SHISA9: variants seen among roughly 807,000 people sequenced by gnomAD.
The protein encoded by SHISA9 is protein shisa-9.
A neutral mutation model predicts 38.0 loss-of-function variants in SHISA9; 13 were observed. The ratio of observed to expected loss-of-function variants is 0.34; its 90% CI spans 0.22 to 0.54. The LOEUF (loss-of-function observed/expected upper bound fraction) is 0.54, where lower values mean the gene tolerates loss of function less well. Among genes scored for constraint, SHISA9 ranks in the 20% least tolerant of loss-of-function variants. SHISA9 has a pLI of 0.91. For missense variants in SHISA9, 538 were observed against 575.8 expected, an observed-to-expected ratio of 0.93 and a Z score of 0.67; for synonymous variants, 275 against 242.0, an observed-to-expected ratio of 1.14 and a Z score of -1.27.
intron 3 of SHISA9, among the ~76,000 whole-genome samples, chr16:13,211,103 C>T (rs1340666469): frequency 1.9e-4 from 29 of 152,090 alleles, no homozygotes; most frequent in Non-Finnish European, 2.9e-5. Flanking sequence ...TCGAGACCAG[C>T]CTGGCCAACG....
intron 2 of SHISA9, among the ~76,000 whole-genome samples, chr16:12,958,028 G>C (rs1432827108): frequency 1.3e-5 from 2 of 152,194 alleles, no homozygotes; most frequent in African/African-American, 4.8e-5. Context: ...TGAATTTGGT[G>C]GTGCACATTC....
the SHISA9 span, among the ~76,000 whole-genome samples, chr16:13,374,429 C>G: frequency 6.6e-6 from 1 of 152,210 alleles, no homozygotes; most frequent in Non-Finnish European, 1.5e-5. Context: ...GTTTTTCTGT[C>G]CTTGCAATAG....
chr16:13,414,083 G>A, the SHISA9 span, among the ~76,000 whole-genome samples: 269 of 152,296 alleles, frequency 1.8e-3, no homozygotes, highest in African/African-American at 6.2e-3. Context: ...TTTTCCCCAT[G>A]AGTTGAATTT....
chr16:13,444,885 T>C, the SHISA9 span, among the ~76,000 whole-genome samples: 1 of 150,096 alleles, frequency 6.7e-6, no homozygotes, highest in Non-Finnish European at 1.5e-5. Context: ...TGGTGCAACC[T>C]CAGCTCACTG....
chr16:13,449,647 C>T, the SHISA9 span, among the ~76,000 whole-genome samples: 1 of 152,130 alleles, frequency 6.6e-6, no homozygotes. Flanking sequence ...CCTTCCATTC[C>T]TTTCATTATG....
chr16:13,475,095 A>T, the SHISA9 span, among the ~76,000 whole-genome samples: 2 of 152,150 alleles, frequency 1.3e-5, no homozygotes, highest in East Asian at 1.9e-4. Flanking sequence ...AAGAAAATGA[A>T]TTAGGAAGCT....
At chr16:13,208,732 C>G (rs1377341144) in intron 3 of SHISA9, among the ~76,000 whole-genome samples, 1 of 152,120 alleles carries the variant, frequency 6.6e-6, no homozygotes, top group Non-Finnish European at 1.5e-5. Flanking sequence ...TTGAATTATT[C>G]CTTCAGTTGT....
chr16:13,433,689 C>T, the SHISA9 span, among the ~76,000 whole-genome samples: 1 of 152,098 alleles, frequency 6.6e-6, no homozygotes, highest in African/African-American at 2.4e-5. Flanking sequence ...AAAAAGGAGG[C>T]TTTGGGTAAA....
At chr16:13,319,188 T>A in the SHISA9 span, among the ~76,000 whole-genome samples, 1 of 152,254 alleles carries the variant, frequency 6.6e-6, no homozygotes, top group East Asian at 1.9e-4. Flanking sequence ...TTTGTATTTT[T>A]AGTAGAGATG....
At chr16:13,259,345 G>A in the SHISA9 span, among the ~76,000 whole-genome samples, 1 of 152,194 alleles carries the variant, frequency 6.6e-6, no homozygotes, top group Non-Finnish European at 1.5e-5. Flanking sequence ...CCTCCTGGCT[G>A]CTTTCACAGG....
the SHISA9 span, among the ~76,000 whole-genome samples, chr16:13,440,393 T>A: frequency 2.0e-5 from 3 of 152,228 alleles, no homozygotes; most frequent in Admixed American, 6.5e-5. Context: ...GGTTTGCTGC[T>A]GTGTTGGGAA....
intron 1 of SHISA9, among the ~76,000 whole-genome samples, chr16:12,913,529 G>A (rs112566603): frequency 1.4e-4 from 21 of 152,272 alleles, no homozygotes; most frequent in African/African-American, 4.8e-4. Context: ...GGCAAAAGTT[G>A]CAATTCTTTT....
the SHISA9 span, among the ~76,000 whole-genome samples, chr16:13,272,508 G>A: frequency 2.6e-5 from 4 of 152,052 alleles, no homozygotes; most frequent in South Asian, 2.1e-4. Flanking sequence ...TATTACAAGC[G>A]TGAGCCACTG....
the SHISA9 span, among the ~76,000 whole-genome samples, chr16:13,473,349 C>CTTTTTTT: frequency 2.8e-4 from 21 of 73,900 alleles, no homozygotes; most frequent in South Asian, 5.8e-4. Flanking sequence ...TTCTTTCTTT[C>CTTTTTTT]TTTTTTTTTT....
At chr16:13,249,566 C>T in the SHISA9 span, among the ~76,000 whole-genome samples, 2 of 152,282 alleles carry the variant, frequency 1.3e-5, no homozygotes, top group Admixed American at 1.3e-4. Flanking sequence ...AAGACCTTGG[C>T]ATCTAATGGG....
chr16:13,026,608 G>A (rs1054726760), intron 2 of SHISA9, among the ~76,000 whole-genome samples: 5 of 152,138 alleles, frequency 3.3e-5, no homozygotes, highest in African/African-American at 9.7e-5. Context: ...TTGCTGCATC[G>A]TATGGTAGTT....
At chr16:13,115,010 T>TC (rs60511168) in intron 2 of SHISA9, among the ~76,000 whole-genome samples, 65,087 of 151,780 alleles carry the variant, frequency 0.43, 16,300 homozygotes, top group African/African-American at 0.7. Flanking sequence ...TCTATCATGA[T>TC]TATCTATTTA....
chr16:13,114,371 C>G (rs1341477450), intron 2 of SHISA9, among the ~76,000 whole-genome samples: 1 of 146,384 alleles, frequency 6.8e-6, no homozygotes, highest in Non-Finnish European at 1.5e-5. Context: ...GAGGCTGAGG[C>G]AGCAGAATTG....
intron 2 of SHISA9, among the ~76,000 whole-genome samples, chr16:13,096,090 G>A (rs896343321): frequency 6.6e-6 from 1 of 152,206 alleles, no homozygotes; most frequent in Non-Finnish European, 1.5e-5. Flanking sequence ...GCTGGTTAAC[G>A]ATGAACAAGT....
Sources: gnomAD v4.1 joint callset for allele counts (sites outside exome capture counted in the v4.1 genomes callset) on GRCh38, gnomAD v4.1.1 for gene constraint, MANE v1.5 for transcripts, NCBI Gene and HGNC (gene_info 2026-07-23, HGNC 2026-07-21) for gene names.